The following PPARGC1A variants were observed in gnomAD, a reference collection of about 807,000 sequenced individuals.
PPARGC1A encodes the protein PPARG coactivator 1 alpha.
PPARGC1A carries 25 observed loss-of-function variants against 88.7 expected under a neutral mutation model. The ratio of observed to expected loss-of-function variants is 0.28; its 90% confidence interval spans 0.21 to 0.39. PPARGC1A has a LOEUF of 0.39. Ranked by LOEUF, PPARGC1A falls within the 10% of genes least tolerant of loss-of-function variation. PPARGC1A has a pLI of 1.00. For synonymous variants in PPARGC1A, 363 were observed against 355.6 expected (o/e 1.02, Z -0.24); for missense variants, 880 against 968.7 (o/e 0.91, Z 1.22).
chr4:24,412,862 A>G, the PPARGC1A span, among the ~76,000 whole-genome samples: 1 of 152,212 alleles, frequency 6.6e-6, no homozygotes, highest in African/African-American at 2.4e-5. Context: ...AGTTGGGTTG[A>G]GTGGTTGCCA....
chr4:23,827,421 A>C (rs1724157649), intron 5 of PPARGC1A, among the ~76,000 whole-genome samples: 1 of 151,548 alleles, frequency 6.6e-6, no homozygotes, highest in Non-Finnish European at 1.5e-5. Flanking sequence ...AGTTGGGAAA[A>C]TGAAAGTGAA....
the PPARGC1A span, among the ~76,000 whole-genome samples, chr4:23,962,095 C>G: frequency 6.6e-6 from 1 of 151,912 alleles, no homozygotes; most frequent in Non-Finnish European, 1.5e-5. Context: ...ATGAGCCCAT[C>G]TTCCATAACC....
the PPARGC1A span, among the ~76,000 whole-genome samples, chr4:24,007,048 T>C: frequency 2.7e-4 from 41 of 152,342 alleles, no homozygotes; most frequent in South Asian, 3.1e-3. Flanking sequence ...ATCAATAGTA[T>C]GTCATAGTTT....
chr4:23,861,429 G>A (rs1307086487), intron 2 of PPARGC1A, among the ~76,000 whole-genome samples: 1 of 152,148 alleles, frequency 6.6e-6, no homozygotes, highest in Non-Finnish European at 1.5e-5. Context: ...CAAGTTAAAT[G>A]TCATTCATTC....
chr4:23,861,679 A>G (rs1037926733), intron 2 of PPARGC1A, among the ~76,000 whole-genome samples: 8 of 152,230 alleles, frequency 5.3e-5, no homozygotes, highest in Non-Finnish European at 7.3e-5. Context: ...CAGAAACAAA[A>G]AAAAGGCAAA....
chr4:24,447,327 G>GA, the PPARGC1A span, among the ~76,000 whole-genome samples: 14 of 152,266 alleles, frequency 9.2e-5, no homozygotes, highest in East Asian at 2.5e-3. Context: ...CTGCCCTCTG[G>GA]AAAAATGGAA....
the PPARGC1A span, among the ~76,000 whole-genome samples, chr4:24,041,720 T>C: frequency 6.6e-6 from 1 of 152,266 alleles, no homozygotes; most frequent in South Asian, 2.1e-4. Flanking sequence ...TGATACAATG[T>C]CAAAGATTCG....
At chr4:24,138,854 C>G in the PPARGC1A span, among the ~76,000 whole-genome samples, 1 of 152,140 alleles carries the variant, frequency 6.6e-6, no homozygotes, top group Non-Finnish European at 1.5e-5. Context: ...TGAAAACACA[C>G]AGAGACTGTC....
chr4:24,470,326 T>C, the PPARGC1A span, among the ~76,000 whole-genome samples: 1 of 110,318 alleles, frequency 9.1e-6, no homozygotes, highest in Non-Finnish European at 1.9e-5. This position sits in a 1 kb window ranked among gnomAD's most constrained non-coding sequence, Gnocchi z 5.8. Flanking sequence ...ACACACACAC[T>C]CTCTCACACA....
chr4:24,246,827 G>C, the PPARGC1A span, among the ~76,000 whole-genome samples: 2 of 152,140 alleles, frequency 1.3e-5, no homozygotes, highest in Non-Finnish European at 2.9e-5. Context: ...TCTAGAGCCT[G>C]CTTTTCTGCC....
At chr4:23,984,850 C>T in the PPARGC1A span, among the ~76,000 whole-genome samples, 5 of 152,052 alleles carry the variant, frequency 3.3e-5, no homozygotes, top group Non-Finnish European at 2.9e-5. Flanking sequence ...CCACATCTCC[C>T]AACTCCCAGC....
chr4:24,215,905 C>T, the PPARGC1A span, among the ~76,000 whole-genome samples: 1 of 152,284 alleles, frequency 6.6e-6, no homozygotes, highest in East Asian at 1.9e-4. Context: ...TCTTATAGTT[C>T]ACCCCTACTC....
At chr4:24,278,885 A>C in the PPARGC1A span, among the ~76,000 whole-genome samples, 1 of 152,154 alleles carries the variant, frequency 6.6e-6, no homozygotes, top group Admixed American at 6.5e-5. Flanking sequence ...AAGCATCCAC[A>C]TCAACACTCT....
chr4:24,362,393 G>C, the PPARGC1A span, among the ~76,000 whole-genome samples: 1 of 149,826 alleles, frequency 6.7e-6, no homozygotes, highest in Admixed American at 6.6e-5. Context: ...TGGATGGATG[G>C]ATTTATTGAG....
the PPARGC1A span, among the ~76,000 whole-genome samples, chr4:24,325,294 G>A: frequency 1.6e-3 from 237 of 151,806 alleles, 2 homozygotes; most frequent in Admixed American, 3.1e-3. Context: ...ATTAAATTCC[G>A]GCCCTCAAAC....
chr4:23,870,225 A>C (rs1473032107), intron 2 of PPARGC1A, among the ~76,000 whole-genome samples: 2 of 152,232 alleles, frequency 1.3e-5, no homozygotes, highest in Non-Finnish European at 2.9e-5. Context: ...CAAAGAACTT[A>C]ACTTGCTTAA....
the PPARGC1A span, among the ~76,000 whole-genome samples, chr4:24,256,544 T>A: frequency 6.6e-6 from 1 of 152,154 alleles, no homozygotes; most frequent in Non-Finnish European, 1.5e-5. Flanking sequence ...AACTCCGAAG[T>A]AGGTGAGTGG....
intron 2 of PPARGC1A, among the ~76,000 whole-genome samples, chr4:23,850,043 G>C (rs1729007082): frequency 6.6e-6 from 1 of 152,086 alleles, no homozygotes; most frequent in Non-Finnish European, 1.5e-5. Flanking sequence ...AAGGAGAATG[G>C]AATTATCCAT....
intron 10 of PPARGC1A, 49 bp from the exon 11 acceptor site, chr4:23,802,394 C>A (rs754692475): frequency 1.2e-6 from 2 of 1,611,416 alleles, no homozygotes; most frequent in Non-Finnish European, 1.7e-6. Context: ...AAAAGCTAGC[C>A]CTCGGCCGGG....
Sources: gnomAD v4.1 joint callset for allele counts (sites outside exome capture counted in the v4.1 genomes callset) on GRCh38, gnomAD v4.1.1 for gene constraint, Gnocchi (gnomAD v3.1) non-coding constraint, MANE v1.5 for transcripts, NCBI Gene and HGNC (gene_info 2026-07-23, HGNC 2026-07-21) for gene names.